Variants in SLC26A7 observed in about 807,000 individuals in gnomAD.
SLC26A7 encodes the protein anion exchange transporter.
Under a neutral mutation model 82.5 loss-of-function variants are expected in SLC26A7, and 59 were observed. That is an observed-to-expected ratio of 0.72 (90% CI 0.58 to 0.89). The LOEUF (loss-of-function observed/expected upper bound fraction) is 0.89. Among genes scored for constraint, SLC26A7 ranks in the 40% least tolerant of loss-of-function variants. The pLI is 0.00. For missense variants in SLC26A7, 820 were observed against 793.0 expected (o/e 1.03, Z -0.41); for synonymous variants, 271 against 274.3 (o/e 0.99, Z 0.12).
chr8:91,257,625 T>TA (rs112419634), intron 2 of SLC26A7, among the ~76,000 whole-genome samples: 36 of 148,906 alleles, frequency 2.4e-4, no homozygotes, highest in Middle Eastern at 3.5e-3. Context: ...AATAAAAAAA[T>TA]AAAAAAAAAA....
intron 8 of SLC26A7, among the ~76,000 whole-genome samples, chr8:91,340,841 T>G (rs538741066): frequency 6.6e-6 from 1 of 152,296 alleles, no homozygotes; most frequent in South Asian, 2.1e-4. Flanking sequence ...TGCTAATGTT[T>G]AATAATTATG....
chr8:91,373,304 T>A (rs1386585644), intron 15 of SLC26A7, among the ~76,000 whole-genome samples: 1 of 152,064 alleles, frequency 6.6e-6, no homozygotes, highest in African/African-American at 2.4e-5. Flanking sequence ...GTTGTTCCAG[T>A]TCTTAAGGGG....
intron 5 of SLC26A7, among the ~76,000 whole-genome samples, chr8:91,324,984 A>G (rs1812895255): frequency 6.6e-6 from 1 of 152,190 alleles, no homozygotes; most frequent in African/African-American, 2.4e-5. Context: ...GTTTGCTTCT[A>G]AGATTCTTTC....
intron 4 of SLC26A7, among the ~76,000 whole-genome samples, chr8:91,300,791 A>T (rs1024821446): frequency 6.6e-6 from 1 of 152,234 alleles, no homozygotes; most frequent in African/African-American, 2.4e-5. Flanking sequence ...ACATTAGGTA[A>T]TTGTGAAAAC....
intron 2 of SLC26A7, among the ~76,000 whole-genome samples, chr8:91,222,274 T>A (rs1402229147): frequency 6.6e-6 from 1 of 152,148 alleles, no homozygotes; most frequent in Non-Finnish European, 1.5e-5. Context: ...TGGGCTGAGA[T>A]GATGGGGTTT....
At chr8:91,233,332 C>T (rs1319363480) in intron 2 of SLC26A7, among the ~76,000 whole-genome samples, 4 of 151,864 alleles carry the variant, frequency 2.6e-5, no homozygotes, top group African/African-American at 4.8e-5. Context: ...TTTGGGAGGC[C>T]GAGGCAGGTG....
Position 91,334,458 on chromosome 8 carries a change from A to G in SLC26A7, c.795+11A>G. The stretch of plus-strand genomic sequence containing the variant: ...GTAGATTTAGTTTTGGTAAGTATAA[A>G]ATCAACATTTAGCTTTTTGCCATGC... On this transcript the variant is annotated intron_variant, in intron 6 of 18. Transcript: ENST00000276609. 6.2e-7 allele frequency: 1 copy of G among 1,606,820 alleles called. No individual in the cohort carries two copies. Among genetic ancestry groups the G allele is most frequent in the East Asian group, 2.2e-5 (1 of 44,678 alleles).
intron 2 of SLC26A7, among the ~76,000 whole-genome samples, chr8:91,227,723 T>C (rs1226683975): frequency 6.6e-6 from 1 of 152,208 alleles, no homozygotes; most frequent in East Asian, 1.9e-4. Flanking sequence ...AAAAGCATTG[T>C]TTTCTTTCTT....
intron 4 of SLC26A7, among the ~76,000 whole-genome samples, chr8:91,297,244 G>A (rs894335300): frequency 1.3e-5 from 2 of 151,884 alleles, no homozygotes; most frequent in Non-Finnish European, 2.9e-5. Context: ...AAAAATCTAA[G>A]AGTATACATA....
At chr8:91,378,392 T>A (rs918329458) in intron 15 of SLC26A7, among the ~76,000 whole-genome samples, 2 of 146,688 alleles carry the variant, frequency 1.4e-5, no homozygotes, top group African/African-American at 5.0e-5. Context: ...TAATATATAT[T>A]ATATATAATA....
intron 2 of SLC26A7, among the ~76,000 whole-genome samples, chr8:91,223,232 T>G (rs1810185982): frequency 6.6e-6 from 1 of 152,164 alleles, no homozygotes. Flanking sequence ...CTCTTCTTCA[T>G]TAGTCTAGCT....
intron 2 of SLC26A7, among the ~76,000 whole-genome samples, chr8:91,253,459 T>G (rs1340578000): frequency 6.6e-6 from 1 of 152,124 alleles, no homozygotes; most frequent in African/African-American, 2.4e-5. Flanking sequence ...TTGTGGGTCT[T>G]CATTCCTTAT....
intron 2 of SLC26A7, among the ~76,000 whole-genome samples, chr8:91,224,469 G>C (rs183179471): frequency 1.3e-5 from 2 of 152,204 alleles, no homozygotes; most frequent in Non-Finnish European, 2.9e-5. Context: ...GTTGGCTGGG[G>C]GTTCACTTCA....
At chr8:91,258,884 A>G (rs1485937938) in intron 2 of SLC26A7, among the ~76,000 whole-genome samples, 3 of 152,160 alleles carry the variant, frequency 2.0e-5, no homozygotes, top group East Asian at 1.9e-4. Context: ...ACTCCAACAA[A>G]ACTAAATTTT....
At chr8:91,359,780 T>C (rs181912323) in intron 11 of SLC26A7, among the ~76,000 whole-genome samples, 85 of 152,296 alleles carry the variant, frequency 5.6e-4, no homozygotes, top group African/African-American at 2.0e-3. Context: ...CACAGACTTT[T>C]GTGGATATAG....
intron 12 of SLC26A7, 55 bp downstream of exon 12, chr8:91,362,514 T>A (rs148975543): frequency 2.2e-5 from 29 of 1,316,530 alleles, no homozygotes; most frequent in Non-Finnish European, 2.9e-5. Context: ...AAATACATGG[T>A]TACTTGCCAT....
intron 13 of SLC26A7, 102 bp downstream of exon 13, chr8:91,363,640 A>G: frequency 1.5e-6 from 1 of 655,242 alleles, no homozygotes; most frequent in Non-Finnish European, 2.5e-6. Flanking sequence ...ATAGTTAAAA[A>G]TATAACTTTT....
chr8:91,229,095 A>G (rs1413656472), intron 2 of SLC26A7, among the ~76,000 whole-genome samples: 2 of 152,156 alleles, frequency 1.3e-5, no homozygotes, highest in Non-Finnish European at 1.5e-5. Context: ...ATGTCAGACC[A>G]AGCTCTTCCC....
chr8:91,249,472 C>A (rs1351684061), intron 1 of SLC26A7, 59 bp downstream of exon 1: 1 of 422,896 alleles, frequency 2.4e-6, no homozygotes, highest in Non-Finnish European at 4.1e-6. Context: ...AAGACAGCTG[C>A]ATATATTGAA....
Sources: gnomAD v4.1 joint callset for allele counts (sites outside exome capture counted in the v4.1 genomes callset) on GRCh38, gnomAD v4.1.1 for gene constraint, MANE v1.5 for transcripts, NCBI Gene and HGNC (gene_info 2026-07-23, HGNC 2026-07-21) for gene names.